Variants in ADAM11 observed in about 807,000 individuals in gnomAD.
ADAM11 encodes the protein ADAM metallopeptidase domain 11.
A neutral mutation model predicts 119.1 loss-of-function variants in ADAM11; 49 were observed. That is an observed-to-expected ratio of 0.41 (90% CI 0.33 to 0.52). The LOEUF (loss-of-function observed/expected upper bound fraction) is 0.52. Among genes scored for constraint, ADAM11 ranks in the 20% least tolerant of loss-of-function variants. The probability of loss-of-function intolerance (pLI) is 0.20; values close to 1 mark genes in which losing one functional copy is unlikely to be tolerated. For missense variants in ADAM11, 777 were observed against 1,047.5 expected (o/e 0.74, Z 3.56); for synonymous variants, 364 against 408.0 (o/e 0.89, Z 1.30).
In ADAM11 at chr17:44,772,141, G is replaced by C; in HGVS notation, c.544-126G>C. ...GCATCTGGGAGATCAGATCCGACAT[G>C]GGAGCTGTGGCCAGTTCTGGGTCAC... is the stretch of plus-strand genomic sequence containing the variant. On this transcript the variant is annotated intron_variant, in intron 6 of 26. Coordinates refer to ENST00000200557, the MANE Select transcript of ADAM11 (RefSeq NM_002390.6). The surrounding 1 kb of genome is among the most constrained non-coding windows in gnomAD (Gnocchi z 4.5). The C allele has an allele frequency of 1.1e-6, 1 of 928,960 alleles. No homozygotes were observed. The highest frequency in any genetic ancestry group is 1.6e-6 in the Non-Finnish European group (1 of 614,678). The allele number at this position is 928,960 out of a possible 1,614,324, so 57.5% of individuals were successfully genotyped here. A position where few individuals can be genotyped will look rare whatever the true frequency, so the allele number is the denominator to read the frequency against.
chr17:44,769,279 G>T (rs2049488253), intron 2 of ADAM11, among the ~76,000 whole-genome samples: 1 of 152,184 alleles, frequency 6.6e-6, no homozygotes, highest in African/African-American at 2.4e-5. Context: ...GGGACAGGCA[G>T]CGAGGGTCCT....
rs1321862615 is a variant in ADAM11 at position 44,772,518 on chromosome 17, G to C, written c.678+52G>C. The C allele has an allele frequency of 6.5e-7, 1 of 1,540,966 alleles. No individual in the cohort carries two copies. ...CTGCAGAGACCTCGGGCTGCAGAGA[G>C]ACCTCAGGCCGTGGCCCAGAGCAGG... On this transcript the variant is annotated intron_variant, in intron 8 of 26. Transcript: ENST00000200557. This position sits in a 1 kb window ranked among gnomAD's most constrained non-coding sequence, Gnocchi z 4.5.
At chr17:44,779,631 A>G in intron 26 of ADAM11, 108 bp from the exon 27 acceptor site, 1 of 1,500,138 alleles carries the variant, frequency 6.7e-7, no homozygotes, top group African/African-American at 1.4e-5. Flanking sequence ...CCAGCCTGTG[A>G]CTTGCCGCCT....
chr17:44,777,203 G>A lies in ADAM11; in HGVS notation c.1719G>A (p.Val573=). 6.2e-7 allele frequency: 1 copy of A among 1,609,268 alleles called. No homozygotes were observed. Among genetic ancestry groups the A allele is most frequent in the Non-Finnish European group, 8.5e-7 (1 of 1,179,382 alleles). ...GCTTCTGCTACGAGAAGCTGAATGT[G>A]GAGGGGACGGAGCGTGGGAGCTGTG... ...ADRFCYEKLN[V]EGTERGSCGR... The change falls in exon 21 of 27, where the codon GTG becomes GTA. Residue 573 remains valine, a synonymous_variant. Coordinates refer to ENST00000200557, the MANE Select transcript of ADAM11 (RefSeq NM_002390.6). The surrounding 1 kb of genome is among the most constrained non-coding windows in gnomAD (Gnocchi z 5.1).
Position 44,772,770 on chromosome 17 carries a change from C to G in ADAM11, c.679-87C>G, listed in dbSNP as rs2049542918. 4.9e-6 allele frequency: 6 copies of G among 1,226,462 alleles called. No individual in the cohort carries two copies. The highest frequency in any genetic ancestry group is 1.5e-5 in the African/African-American group (1 of 67,886). 76.0% of individuals were successfully genotyped at this position (1,226,462 alleles called of 1,614,324 possible). ...GTCCCTGGCTGGAGTCCAGACCCCCCCATCCCCACCGAGTCTGTTCCTGGC... is the reference window on the plus strand; with the variant it reads ...GTCCCTGGCTGGAGTCCAGACCCCCGCATCCCCACCGAGTCTGTTCCTGGC... On this transcript the variant is annotated intron_variant, in intron 8 of 26. Transcript: ENST00000200557. This position sits in a 1 kb window ranked among gnomAD's most constrained non-coding sequence, Gnocchi z 4.5.
chr17:44,779,348 G>A lies in ADAM11; in HGVS notation c.2294+109G>A, dbSNP rs148841606. The A allele has an allele frequency of 3.7e-3, 5,473 of 1,473,638 alleles. 20 individuals carry two copies. The highest frequency in any genetic ancestry group is 0.012 in the Middle Eastern group (64 of 5,552). The allele number at this position is 1,473,638 out of a possible 1,614,324, so 91.3% of individuals were successfully genotyped here. A position where few individuals can be genotyped will look rare whatever the true frequency, so the allele number is the denominator to read the frequency against. On this transcript the variant is annotated intron_variant, in intron 26 of 26. Coordinates refer to ENST00000200557, the MANE Select transcript of ADAM11 (RefSeq NM_002390.6). ...ACCCCGCGTTCTGTTGATGGGGAGC[G>A]GGGGCTGATTCCCCCACCCCTGCTG...
At chr17:44,764,296 GTGTT>G (rs1267643639) in intron 2 of ADAM11, among the ~76,000 whole-genome samples, 1 of 152,226 alleles carries the variant, frequency 6.6e-6, no homozygotes, top group African/African-American at 2.4e-5. Flanking sequence ...TGCTGCAACA[GTGTT>G]TGTGTTTTCG....
Position 44,772,276 on chromosome 17 carries a change from C to T in ADAM11, c.553C>T (p.Pro185Ser). 2 of 1,608,652 alleles carry T rather than the reference C, an allele frequency of 1.2e-6. No individual in the cohort carries two copies. Among genetic ancestry groups the T allele is most frequent in the Non-Finnish European group, 8.5e-7 (1 of 1,177,270 alleles). Reference sequence around the variant, plus strand: ...TTTCCCCTCATTGCAGGGACCCCTTCCCCACCTCATTTACCGGACCCCTCT... The same window carrying T: ...TTTCCCCTCATTGCAGGGACCCCTTTCCCACCTCATTTACCGGACCCCTCT... ...GPWGAPQGPLPHLIYRTPLLP... is the reference protein window; with the variant it reads ...GPWGAPQGPLSHLIYRTPLLP... Residue 185 changes from proline to serine, a missense_variant, in exon 7 of 27, where the codon CCC (proline) becomes TCC (serine). Pro to Ser is a moderately conservative substitution (Grantham distance 74, BLOSUM62 -1). This residue lies in a region of ADAM11 where 278 missense variants were observed against 310.1 expected (regional missense o/e 0.90). Transcript: ENST00000200557. This position sits in a 1 kb window ranked among gnomAD's most constrained non-coding sequence, Gnocchi z 4.5.
rs1014681617 is a variant in ADAM11, at chr17:44,781,239, C to G, written c.*1485C>G. The G allele has an allele frequency of 6.6e-6, 1 of 152,172 alleles. No individual in the cohort carries two copies. The highest frequency in any genetic ancestry group is 2.4e-5 in the African/African-American group (1 of 41,434). The allele number at this position is 152,172 out of a possible 1,614,324, so 9.4% of individuals were successfully genotyped here. A position where few individuals can be genotyped will look rare whatever the true frequency, so the allele number is the denominator to read the frequency against. On this transcript the variant is annotated 3_prime_UTR_variant, in exon 27 of 27. Coordinates refer to ENST00000200557, the MANE Select transcript of ADAM11 (RefSeq NM_002390.6). ...CGAGGAGGCGTTGTGGAGGGCATCG[C>G]CCCCTGTTTATTCACAACACCCTCA... is the stretch of plus-strand genomic sequence containing the variant.
intron 2 of ADAM11, among the ~76,000 whole-genome samples, chr17:44,767,212 C>T (rs139949550): frequency 7.9e-5 from 12 of 151,790 alleles, no homozygotes; most frequent in Non-Finnish European, 1.0e-4. Context: ...AAAAATTAGC[C>T]GGGCGTGGTG....
rs1204715783 is a variant in ADAM11 at position 44,772,344 on chromosome 17, G to GA, written c.610+13dup. ...GATGCAGGGAACCAGGTAAGGGAGG[G>GA]AAGGGGGGGTGGGGAGGGGCCGGCT... On this transcript the variant is annotated intron_variant, in intron 7 of 26. Coordinates refer to ENST00000200557, the MANE Select transcript of ADAM11 (RefSeq NM_002390.6). The surrounding 1 kb of genome is among the most constrained non-coding windows in gnomAD (Gnocchi z 4.5). 3 of 1,024,816 alleles carry GA rather than the reference G, an allele frequency of 2.9e-6. No individual in the cohort carries two copies. Among genetic ancestry groups the GA allele is most frequent in the Non-Finnish European group, 4.2e-6 (3 of 705,990 alleles). The allele number at this position is 1,024,816 out of a possible 1,614,324, so 63.5% of individuals were successfully genotyped here. A position where few individuals can be genotyped will look rare whatever the true frequency, so the allele number is the denominator to read the frequency against.
chr17:44,779,214 C>T lies in ADAM11; in HGVS notation c.2277-8C>T. 1 of 1,588,758 alleles carries T rather than the reference C, an allele frequency of 6.3e-7. No individual in the cohort carries two copies. Among genetic ancestry groups the T allele is most frequent in the Non-Finnish European group, 8.5e-7 (1 of 1,170,290 alleles). ...TTCCTCTCCCCTTCCACCATCCTCC[C>T]CCTGCAGAAACATTCGCCGAGGAAG... On this transcript the variant is annotated splice_region_variant and splice_polypyrimidine_tract_variant and intron_variant, in intron 25 of 26. Coordinates refer to ENST00000200557, the MANE Select transcript of ADAM11 (RefSeq NM_002390.6).
intron 2 of ADAM11, among the ~76,000 whole-genome samples, 179 bp downstream of exon 2, chr17:44,760,076 C>T (rs1256618905): frequency 1.3e-5 from 2 of 152,080 alleles, no homozygotes; most frequent in African/African-American, 4.8e-5. Flanking sequence ...GCCTGCCCAG[C>T]CCCAGGGCCC....
In ADAM11 at chr17:44,775,345, G is replaced by A. The variant is rs780747333; in HGVS notation, c.1320+34G>A. On this transcript the variant is annotated intron_variant, in intron 15 of 26. Coordinates refer to ENST00000200557, the MANE Select transcript of ADAM11 (RefSeq NM_002390.6). The surrounding 1 kb of genome is among the most constrained non-coding windows in gnomAD (Gnocchi z 7.5). Reference sequence around the variant, plus strand: ...CCCGCGGCGGGGAGCATGGGAGCGGGCCCTGGGCGGGGTCCGGGCCAGACT... The same window carrying A: ...CCCGCGGCGGGGAGCATGGGAGCGGACCCTGGGCGGGGTCCGGGCCAGACT... 10 of 1,613,218 alleles carry A rather than the reference G, an allele frequency of 6.2e-6. No individual in the cohort carries two copies. In the East Asian group the frequency reaches 2.0e-4, roughly 32 times the overall value.
chr17:44,774,281 G>A lies in ADAM11; in HGVS notation c.993-14G>A, dbSNP rs756405006. The stretch of plus-strand genomic sequence containing the variant: ...GAGGGCAGGAGGCCATCCTGACAGC[G>A]CACTCCCTTCCAGGGGCAGGACCTT... On this transcript the variant is annotated splice_polypyrimidine_tract_variant and intron_variant, in intron 11 of 26. Transcript: ENST00000200557. The A allele has an allele frequency of 1.0e-5, 15 of 1,453,836 alleles. No homozygotes were observed. Among genetic ancestry groups the A allele is most frequent in the African/African-American group, 7.2e-5 (5 of 69,738 alleles). The allele number at this position is 1,453,836 out of a possible 1,614,324, so 90.1% of individuals were successfully genotyped here.
intron 25 of ADAM11, 65 bp downstream of exon 25, chr17:44,778,307 G>A (rs2049635657): frequency 1.3e-6 from 2 of 1,485,688 alleles, no homozygotes; most frequent in Non-Finnish European, 9.1e-7. Flanking sequence ...CCCTACTGGT[G>A]GAGCTGAGGG....
chr17:44,759,270 C>T lies in ADAM11; in HGVS notation c.61+10C>T. 1 of 1,385,652 alleles carries T rather than the reference C, an allele frequency of 7.2e-7. No homozygotes were observed. Among genetic ancestry groups the T allele is most frequent in the South Asian group, 1.6e-5 (1 of 63,692 alleles). 85.8% of individuals were successfully genotyped at this position (1,385,652 alleles called of 1,614,324 possible). Reference sequence around the variant, plus strand: ...CTGCTCCCCACGCCCGGTGAGTGACCCCCGCCCGGCCCCGGCGCCCCCTCC... The same window carrying T: ...CTGCTCCCCACGCCCGGTGAGTGACTCCCGCCCGGCCCCGGCGCCCCCTCC... On this transcript the variant is annotated intron_variant, in intron 1 of 26. Transcript: ENST00000200557.
At position 44,772,560 on chromosome 17, in the gene ADAM11, T is replaced by G; in HGVS notation, c.678+94T>G. On this transcript the variant is annotated intron_variant, in intron 8 of 26. Transcript: ENST00000200557. This position sits in a 1 kb window ranked among gnomAD's most constrained non-coding sequence, Gnocchi z 4.5. The stretch of plus-strand genomic sequence containing the variant: ...CAGAGCAGGAGGGCACCCTCATCTA[T>G]GGCTGGGGCGAAGGAAGGCTCAGAT... 6.9e-7 allele frequency: 1 copy of G among 1,440,598 alleles called. No homozygotes were observed. Among genetic ancestry groups the G allele is most frequent in the South Asian group, 1.3e-5 (1 of 77,738 alleles). The allele number at this position is 1,440,598 out of a possible 1,614,324, so 89.2% of individuals were successfully genotyped here.
At position 44,776,174 on chromosome 17, in the gene ADAM11, C is replaced by T. The variant is rs960584012; in HGVS notation, c.1533C>T (p.Asp511=). Residue 511 remains aspartate (D), a synonymous_variant, in exon 18 of 27, where the codon GAC becomes GAT. Coordinates refer to ENST00000200557, the MANE Select transcript of ADAM11 (RefSeq NM_002390.6). This position sits in a 1 kb window ranked among gnomAD's most constrained non-coding sequence, Gnocchi z 5.2. ...GCCGAGAGGCCGTGAACGAGTGCGA[C>T]ATCGCGGAGACCTGCACCGGGGACT... is the stretch of plus-strand genomic sequence containing the variant. ...VSCREAVNEC[D]IAETCTGDSS... is the part of the protein sequence containing the mutation. 23 of 1,613,502 alleles carry T rather than the reference C, an allele frequency of 1.4e-5. No individual in the cohort carries two copies. The highest frequency in any genetic ancestry group is 1.9e-5 in the Non-Finnish European group (22 of 1,179,956).
Sources: gnomAD v4.1 joint callset for allele counts (sites outside exome capture counted in the v4.1 genomes callset) on GRCh38, gnomAD v4.1.1 for gene constraint, gnomAD v4.1.1 regional missense constraint, Gnocchi (gnomAD v3.1) non-coding constraint, MANE v1.5 for transcripts, NCBI Gene and HGNC (gene_info 2026-07-23, HGNC 2026-07-21) for gene names.